The following CNTN5 variants were observed in gnomAD, a reference collection of about 807,000 sequenced individuals.
CNTN5 encodes the protein contactin 5, also known as contactin-5.
CNTN5 carries 77 observed loss-of-function variants against 129.1 expected under a neutral mutation model. That is an observed-to-expected ratio of 0.60 (90% CI 0.50 to 0.72). CNTN5 has a LOEUF of 0.72. CNTN5 is among the 30% of genes least tolerant of loss of function. CNTN5 has a pLI of 0.00. For synonymous variants in CNTN5, 509 were observed against 465.6 expected (o/e 1.09, Z -1.20); for missense variants, 1,478 against 1,328.8 (o/e 1.11, Z -1.75).
intron 8 of CNTN5, among the ~76,000 whole-genome samples, chr11:99,982,245 T>C (rs928783740): frequency 2.6e-5 from 4 of 152,176 alleles, no homozygotes; most frequent in African/African-American, 9.7e-5. Context: ...AGAATTAGCA[T>C]TGGGGCAGGT....
chr11:99,729,250 A>G (rs546127880), intron 3 of CNTN5, among the ~76,000 whole-genome samples: 2 of 152,282 alleles, frequency 1.3e-5, no homozygotes, highest in East Asian at 3.9e-4. Flanking sequence ...CAGAGAAGGC[A>G]TAGATATTGG....
chr11:99,485,280 G>GGA (rs1458604585), intron 2 of CNTN5, among the ~76,000 whole-genome samples: 1 of 151,850 alleles, frequency 6.6e-6, no homozygotes, highest in East Asian at 1.9e-4. Flanking sequence ...GGATTAGTGG[G>GGA]GAGAGAGAGA....
At chr11:99,055,131 C>T (rs964131516) in intron 1 of CNTN5, among the ~76,000 whole-genome samples, 1 of 151,918 alleles carries the variant, frequency 6.6e-6, no homozygotes, top group African/African-American at 2.4e-5. Context: ...TCTGTGAAGA[C>T]ACTTTGAGGG....
At chr11:99,592,392 C>A (rs568489409) in intron 3 of CNTN5, among the ~76,000 whole-genome samples, 5 of 152,210 alleles carry the variant, frequency 3.3e-5, no homozygotes, top group African/African-American at 1.2e-4. Context: ...AGCAAGCCAG[C>A]AGAGCATAAG....
chr11:99,715,485 C>T (rs1342389139), intron 3 of CNTN5, among the ~76,000 whole-genome samples: 3 of 151,326 alleles, frequency 2.0e-5, no homozygotes, highest in African/African-American at 7.3e-5. Context: ...AACATTCGAG[C>T]AGGCCATGAA....
At chr11:100,286,189 G>A (rs1224072885) in intron 18 of CNTN5, among the ~76,000 whole-genome samples, 16 of 152,298 alleles carry the variant, frequency 1.1e-4, no homozygotes, top group South Asian at 8.3e-4. Flanking sequence ...AGGGGCGCCC[G>A]CCATTGCCCA....
intron 7 of CNTN5, among the ~76,000 whole-genome samples, chr11:99,917,244 T>C (rs1220430261): frequency 6.6e-6 from 1 of 152,140 alleles, no homozygotes; most frequent in Non-Finnish European, 1.5e-5. Flanking sequence ...TGTTGAGTTG[T>C]ACCACTCCAA....
At chr11:100,054,253 C>A (rs549065302) in intron 9 of CNTN5, among the ~76,000 whole-genome samples, 1 of 151,788 alleles carries the variant, frequency 6.6e-6, no homozygotes, top group East Asian at 1.9e-4. Context: ...TTAAGAGACT[C>A]CATTTTCTAA....
chr11:99,498,447 T>C (rs772473219), intron 2 of CNTN5, among the ~76,000 whole-genome samples: 6 of 152,194 alleles, frequency 3.9e-5, no homozygotes, highest in Non-Finnish European at 7.4e-5. Context: ...TAATTCATTC[T>C]ACAAAAATCT....
intron 1 of CNTN5, among the ~76,000 whole-genome samples, chr11:99,021,513 C>T (rs1862868263): frequency 1.3e-5 from 2 of 152,158 alleles, no homozygotes; most frequent in Admixed American, 1.3e-4. Flanking sequence ...ATTTGTATAT[C>T]TCCTAATGCC....
At chr11:99,398,137 T>C (rs1011785095) in intron 2 of CNTN5, among the ~76,000 whole-genome samples, 3 of 151,880 alleles carry the variant, frequency 2.0e-5, no homozygotes, top group Non-Finnish European at 2.9e-5. Context: ...TACACATGGA[T>C]TGTGATTTCA....
At chr11:99,797,779 A>G (rs1241685318) in intron 3 of CNTN5, among the ~76,000 whole-genome samples, 1 of 152,078 alleles carries the variant, frequency 6.6e-6, no homozygotes, top group Non-Finnish European at 1.5e-5. Flanking sequence ...TAGTTTAATT[A>G]GGTCCCACTT....
chr11:100,064,786 A>G (rs1943631213), intron 10 of CNTN5, among the ~76,000 whole-genome samples: 1 of 152,134 alleles, frequency 6.6e-6, no homozygotes, highest in African/African-American at 2.4e-5. Flanking sequence ...AATTAAAAGG[A>G]AAAGAAATAA....
rs1384081091 is a variant in CNTN5, at chr11:100,358,206, T to C, written c.*1986T>C. On this transcript the variant is annotated 3_prime_UTR_variant, in exon 25 of 25. Coordinates refer to ENST00000524871, the MANE Select transcript of CNTN5 (RefSeq NM_014361.4). ...CCATTTTCTTCATTTTCCATGGTGG[T>C]GTACACCAGATTTAGTGAAGGACTT... The C allele has an allele frequency of 6.6e-6, 1 of 151,944 alleles. No homozygotes were observed. Among genetic ancestry groups the C allele is most frequent in the African/African-American group, 2.4e-5 (1 of 41,436 alleles). The allele number at this position is 151,944 out of a possible 1,614,324, so 9.4% of individuals were successfully genotyped here. A position where few individuals can be genotyped will look rare whatever the true frequency, so the allele number is the denominator to read the frequency against.
intron 15 of CNTN5, among the ~76,000 whole-genome samples, chr11:100,201,584 C>T (rs1368909564): frequency 6.6e-6 from 1 of 151,872 alleles, no homozygotes; most frequent in African/African-American, 2.4e-5. Flanking sequence ...GACTGCTGTT[C>T]ACATCTTGAT....
intron 1 of CNTN5, among the ~76,000 whole-genome samples, chr11:99,065,950 G>A (rs1183959780): frequency 1.3e-5 from 2 of 152,064 alleles, no homozygotes; most frequent in African/African-American, 4.8e-5. Context: ...ACCTGATAAA[G>A]CATTTTATTA....
At chr11:100,107,050 A>AATT (rs1466215975) in intron 13 of CNTN5, among the ~76,000 whole-genome samples, 4 of 152,156 alleles carry the variant, frequency 2.6e-5, no homozygotes, top group African/African-American at 9.7e-5. Flanking sequence ...TTCAAAAAAT[A>AATT]ATTAACTCAG....
At chr11:99,892,519 G>T (rs1005930713) in intron 6 of CNTN5, among the ~76,000 whole-genome samples, 9 of 152,212 alleles carry the variant, frequency 5.9e-5, no homozygotes, top group African/African-American at 1.7e-4. Flanking sequence ...TGTAAGGAAG[G>T]GGTCCAGTTT....
At chr11:99,893,440 A>G (rs1191016018) in intron 6 of CNTN5, among the ~76,000 whole-genome samples, 1 of 152,162 alleles carries the variant, frequency 6.6e-6, no homozygotes, top group Non-Finnish European at 1.5e-5. Context: ...TAGAAAAAAA[A>G]GTTTGCGTTC....
Sources: allele counts gnomAD v4.1 joint callset (sites outside exome capture counted in the v4.1 genomes callset), GRCh38; gene constraint gnomAD v4.1.1; transcripts MANE v1.5; gene names NCBI Gene and HGNC (gene_info 2026-07-23, HGNC 2026-07-21).